FNDC3A: variants seen among roughly 807,000 people sequenced by gnomAD.
The protein encoded by FNDC3A is fibronectin type-III domain-containing protein 3A.
FNDC3A carries 32 observed loss-of-function variants against 148.9 expected under a neutral mutation model. The observed-to-expected ratio is 0.21, with a 90% CI of 0.16 to 0.29. The LOEUF is 0.29. Among genes scored for constraint, FNDC3A ranks in the 10% least tolerant of loss-of-function variants. The pLI is 1.00. For missense variants in FNDC3A, 1,191 were observed against 1,452.8 expected, an observed-to-expected ratio of 0.82 and a Z score of 2.93; for synonymous variants, 472 against 473.6, an observed-to-expected ratio of 1.00 and a Z score of 0.04.
chr13:49,036,133 C>T (rs1874475389), intron 2 of FNDC3A, among the ~76,000 whole-genome samples: 1 of 152,086 alleles, frequency 6.6e-6, no homozygotes, highest in South Asian at 2.1e-4. Context: ...CTTAACTTCT[C>T]AGGAAACTCA....
Position 49,006,254 on chromosome 13 carries a change from T to C in FNDC3A, c.64T>C (p.Ser22Pro), listed in dbSNP as rs1040247834. Residue 22 changes from serine (S) to proline (P), a missense_variant, in exon 2 of 26, where the codon TCT becomes CCT. Around this residue, in one of 3 missense-constraint regions of FNDC3A, gnomAD observed 426 missense variants for 473.2 expected, o/e 0.90. Coordinates refer to ENST00000492622, the MANE Select transcript of FNDC3A (RefSeq NM_001079673.2). Reference protein sequence around the residue: ...QILSSDISLLSAPIVSADGTQ... With the variant: ...QILSSDISLLPAPIVSADGTQ... ...CTTAAGTAGTGATATTTCTCTTTTG[T>C]CTGCCCCTATTGTAAGTGCAGATGG... The C allele has an allele frequency of 3.7e-6, 6 of 1,609,268 alleles. No individual in the cohort carries two copies. The highest frequency in any genetic ancestry group is 5.1e-6 in the Non-Finnish European group (6 of 1,176,358).
At chr13:49,157,497 G>T (rs1307770639) in intron 8 of FNDC3A, among the ~76,000 whole-genome samples, 1 of 147,728 alleles carries the variant, frequency 6.8e-6, no homozygotes, top group East Asian at 2.0e-4. Flanking sequence ...TAATTTGATC[G>T]TCTGAAGCCT....
chr13:49,167,599 G>A (rs962615587), intron 9 of FNDC3A, among the ~76,000 whole-genome samples: 2 of 151,938 alleles, frequency 1.3e-5, no homozygotes, highest in African/African-American at 4.8e-5. Context: ...TCAGCTACTC[G>A]GAAGGCTGAG....
chr13:49,162,592 T>A (rs1396388445), intron 8 of FNDC3A, among the ~76,000 whole-genome samples: 2 of 152,176 alleles, frequency 1.3e-5, no homozygotes, highest in Admixed American at 6.5e-5. Context: ...ACTACCAACT[T>A]TCTGAAGTCT....
At chr13:49,160,552 A>G (rs919264643) in intron 8 of FNDC3A, among the ~76,000 whole-genome samples, 3 of 151,396 alleles carry the variant, frequency 2.0e-5, no homozygotes, top group African/African-American at 7.3e-5. Flanking sequence ...AATTTTGTTG[A>G]TCTTTTCAGA....
chr13:49,137,703 G>T (rs1451569412), intron 6 of FNDC3A, among the ~76,000 whole-genome samples: 1 of 152,160 alleles, frequency 6.6e-6, no homozygotes, highest in Non-Finnish European at 1.5e-5. Context: ...ATATAGCTGG[G>T]TTAACAGCCT....
chr13:49,068,060 G>A (rs1877383779), intron 2 of FNDC3A, among the ~76,000 whole-genome samples: 1 of 152,076 alleles, frequency 6.6e-6, no homozygotes, highest in Non-Finnish European at 1.5e-5. Flanking sequence ...TACAGGCCAA[G>A]CATTGTGGCT....
chr13:49,018,422 G>A (rs1362431612), intron 2 of FNDC3A, among the ~76,000 whole-genome samples: 2 of 152,090 alleles, frequency 1.3e-5, no homozygotes, highest in South Asian at 2.1e-4. Context: ...CATTCTTCAC[G>A]TAGTTCTCGA....
chr13:49,136,309 A>G, intron 5 of FNDC3A, 23 bp from the exon 6 acceptor site: 1 of 1,592,224 alleles, frequency 6.3e-7, no homozygotes, highest in East Asian at 2.2e-5. Context: ...TCTTCTTAAC[A>G]TTTTGTTTTT....
rs192270684 is a variant in FNDC3A, at chr13:49,138,948, A to G, written c.819+143A>G. The G allele has an allele frequency of 1.1e-3, 517 of 457,428 alleles. 3 individuals carry two copies. The highest frequency in any genetic ancestry group is 3.2e-4 in the Non-Finnish European group (81 of 251,150). The allele number at this position is 457,428 out of a possible 1,614,324, so 28.3% of individuals were successfully genotyped here. Reference sequence around the variant, plus strand: ...TCTGTGACAAGCTTTTTCACTCACTATGGTATGCTTTAGCTATCTTTCTAT... The same window carrying G: ...TCTGTGACAAGCTTTTTCACTCACTGTGGTATGCTTTAGCTATCTTTCTAT... On this transcript the variant is annotated intron_variant, in intron 7 of 25. Transcript: ENST00000492622.
intron 2 of FNDC3A, among the ~76,000 whole-genome samples, chr13:49,039,500 A>G (rs965057181): frequency 1.3e-5 from 2 of 152,032 alleles, no homozygotes; most frequent in Admixed American, 6.6e-5. Flanking sequence ...CAAGTAAATA[A>G]TTTTATATAT....
intron 2 of FNDC3A, among the ~76,000 whole-genome samples, chr13:49,055,433 A>AGG (rs1452861873): frequency 4.6e-5 from 7 of 152,044 alleles, no homozygotes; most frequent in African/African-American, 1.7e-4. Flanking sequence ...AAGGGAGGGT[A>AGG]ATACATGCCT....
intron 3 of FNDC3A, among the ~76,000 whole-genome samples, chr13:49,080,558 T>C (rs927961946): frequency 3.3e-5 from 5 of 152,218 alleles, no homozygotes; most frequent in Non-Finnish European, 5.9e-5. Flanking sequence ...TGTCAACAGA[T>C]TGTCTTGTAT....
At chr13:49,188,699 G>C (rs1405645936) in intron 17 of FNDC3A, 66 bp downstream of exon 17, 2 of 934,468 alleles carry the variant, frequency 2.1e-6, no homozygotes, top group African/African-American at 1.6e-5. Flanking sequence ...AGGATCACCA[G>C]GTGCCACTTC....
chr13:49,138,282 A>AACTTAATT, intron 6 of FNDC3A, among the ~76,000 whole-genome samples: 1 of 152,292 alleles, frequency 6.6e-6, no homozygotes, highest in African/African-American at 2.4e-5. Context: ...AAATTAAGTT[A>AACTTAATT]AAGTTTTTTG....
At chr13:49,100,339 T>G (rs998318663) in intron 3 of FNDC3A, among the ~76,000 whole-genome samples, 1 of 152,100 alleles carries the variant, frequency 6.6e-6, no homozygotes, top group African/African-American at 2.4e-5. Flanking sequence ...TGTTCTTGAT[T>G]GGATGATGAT....
chr13:48,994,808 GT>G (rs1164624152), intron 1 of FNDC3A, among the ~76,000 whole-genome samples: 1 of 151,964 alleles, frequency 6.6e-6, no homozygotes, highest in African/African-American at 2.4e-5. Flanking sequence ...TGCAAATGAA[GT>G]TTTGGAATGT....
chr13:48,991,450 G>C (rs186831149), intron 1 of FNDC3A, among the ~76,000 whole-genome samples: 1 of 152,160 alleles, frequency 6.6e-6, no homozygotes, highest in Non-Finnish European at 1.5e-5. Flanking sequence ...TCTTTGGGAG[G>C]CTGAGGGGGT....
chr13:49,175,502 A>G lies in FNDC3A; in HGVS notation c.1491A>G (p.Glu497=), dbSNP rs1040773250. The G allele has an allele frequency of 6.2e-7, 1 of 1,610,842 alleles. No individual in the cohort carries two copies. The highest frequency in any genetic ancestry group is 8.5e-7 in the Non-Finnish European group (1 of 1,178,720). The change falls in exon 13 of 26, where the codon GAA becomes GAG. Residue 497 remains glutamate, a synonymous_variant. Transcript: ENST00000492622. Reference sequence around the variant, plus strand: ...AGCCCTCAGGAACACCATCAGATGAAGGAATTTCTTACATTTTAGAGATGG... The same window carrying G: ...AGCCCTCAGGAACACCATCAGATGAGGGAATTTCTTACATTTTAGAGATGG... The part of the protein sequence containing the change: ...WSKPSGTPSD[E]GISYILEMEE...
Sources: allele counts gnomAD v4.1 joint callset (sites outside exome capture counted in the v4.1 genomes callset), GRCh38; gene constraint gnomAD v4.1.1; regional missense constraint gnomAD v4.1.1; transcripts MANE v1.5; gene names NCBI Gene and HGNC (gene_info 2026-07-23, HGNC 2026-07-21).